Variants in ADAR observed in about 807,000 individuals in gnomAD.
The protein encoded by ADAR is adenosine deaminase RNA specific, also known as double-stranded RNA-specific adenosine deaminase.
Under a neutral mutation model 113.2 loss-of-function variants are expected in ADAR, and 41 were observed. That is an observed-to-expected ratio of 0.36 (90% CI 0.28 to 0.47). The LOEUF (loss-of-function observed/expected upper bound fraction) is 0.47. Among genes scored for constraint, ADAR ranks in the 20% least tolerant of loss-of-function variants. ADAR has a pLI of 1.00. For synonymous variants in ADAR, 605 were observed against 572.6 expected (o/e 1.06, Z -0.81); for missense variants, 1,242 against 1,540.9 (o/e 0.81, Z 3.25).
rs550010479 is a variant in ADAR, at chr1:154,584,595, G to T, written c.*211C>A. 12 of 574,114 alleles carry T rather than the reference G, an allele frequency of 2.1e-5. No individual in the cohort carries two copies. In the South Asian group the frequency reaches 2.7e-4, roughly 13 times the overall value. 35.6% of individuals were successfully genotyped at this position (574,114 alleles called of 1,614,324 possible). ...TAGGTTTCTGCCTCTTCACTTGGGG[G>T]AAAAAAGGGGGGCCTGGCCAGACCT... On this transcript the variant is annotated 3_prime_UTR_variant, in exon 15 of 15. Transcript: ENST00000368474.
chr1:154,583,895 T>G lies in ADAR; in HGVS notation c.*911A>C, dbSNP rs1304665934. On this transcript the variant is annotated 3_prime_UTR_variant, in exon 15 of 15. Coordinates refer to ENST00000368474, the MANE Select transcript of ADAR (RefSeq NM_001111.5). ...TTATACCCTCTAGGATTTGTCCCGT[T>G]GGCTAGGGTGTACGCCCAGCATTGG... is the stretch of plus-strand genomic sequence containing the variant. 1 of 152,240 alleles carries G rather than the reference T, an allele frequency of 6.6e-6. No homozygotes were observed. The highest frequency in any genetic ancestry group is 1.5e-5 in the Non-Finnish European group (1 of 68,036). The allele number at this position is 152,240 out of a possible 1,614,324, so 9.4% of individuals were successfully genotyped here.
At chr1:154,623,526 C>T (rs1485209625) in intron 1 of ADAR, among the ~76,000 whole-genome samples, 1 of 152,210 alleles carries the variant, frequency 6.6e-6, no homozygotes, top group Non-Finnish European at 1.5e-5. Flanking sequence ...ACTTCCCCAT[C>T]CCATAAGGTT....
rs1371960541 is a variant in ADAR at position 154,585,511 on chromosome 1, C to G, written c.3316-167G>C. The G allele has an allele frequency of 4.1e-6, 4 of 983,406 alleles. No homozygotes were observed. In the East Asian group the frequency reaches 7.8e-5, roughly 19 times the overall value. 60.9% of individuals were successfully genotyped at this position (983,406 alleles called of 1,614,324 possible). On this transcript the variant is annotated intron_variant, in intron 13 of 14. Transcript: ENST00000368474. ...TGAGCACCCTCTAGACATACTAACT[C>G]CACCTCGATTCAGATTAATTCCAGA...
At chr1:154,613,963 C>A (rs1423833440) in intron 1 of ADAR, among the ~76,000 whole-genome samples, 1 of 149,774 alleles carries the variant, frequency 6.7e-6, no homozygotes, top group East Asian at 2.0e-4. Context: ...AAAAAGAGGT[C>A]TCCAAAAGCT....
At position 154,601,519 on chromosome 1, in the gene ADAR, T is replaced by A. The variant is rs1697870853; in HGVS notation, c.1123A>T (p.Thr375Ser). Residue 375 changes from threonine to serine, a missense_variant, in exon 2 of 15, where the codon ACC becomes TCC. Transcript: ENST00000368474. The surrounding 1 kb of genome is among the most constrained non-coding windows in gnomAD (Gnocchi z 4.7). ...GTCTCAGGGATTGCAGCTGGAGCGG[T>A]TTCAGGAACACTGTTCGTATTTCTC... is the stretch of plus-strand genomic sequence containing the variant. ...IKRNTNSVPE[T>S]APAAIPETKR... 6.2e-7 allele frequency: 1 copy of A among 1,613,680 alleles called. No individual in the cohort carries two copies. Among genetic ancestry groups the A allele is most frequent in the African/African-American group, 1.3e-5 (1 of 74,934 alleles).
In ADAR at chr1:154,598,090, G is replaced by T. The variant is rs993446785; in HGVS notation, c.1786-114C>A. 5 of 1,282,256 alleles carry T rather than the reference G, an allele frequency of 3.9e-6. No individual in the cohort carries two copies. The African/African-American group carries it at 5.9e-5, about 15-fold the overall frequency. 79.4% of individuals were successfully genotyped at this position (1,282,256 alleles called of 1,614,324 possible). A position where few individuals can be genotyped will look rare whatever the true frequency, so the allele number is the denominator to read the frequency against. On this transcript the variant is annotated intron_variant, in intron 3 of 14. Transcript: ENST00000368474. Reference sequence around the variant, plus strand: ...ATTCCCACCACCTGTCAAGGGGTTGGCTTCCCAAAGTTAAAGGGGCTGCTG... The same window carrying T: ...ATTCCCACCACCTGTCAAGGGGTTGTCTTCCCAAAGTTAAAGGGGCTGCTG...
At position 154,586,188 on chromosome 1, in the gene ADAR, G is replaced by A; in HGVS notation, c.3195C>T (p.Val1065=). The change falls in exon 12 of 15, where the codon GTC becomes GTT. Residue 1065 remains valine, a synonymous_variant. Coordinates refer to ENST00000368474, the MANE Select transcript of ADAR (RefSeq NM_001111.5). ...CCAAGGCAGGCCCCTTACCCAATGT[G>A]ACAGATTTGAGATAAATGGGCTGCA... ...HFLQPIYLKS[V]TLGYLFSQGH... is the part of the protein sequence containing the mutation. The A allele has an allele frequency of 1.2e-6, 2 of 1,614,124 alleles. No homozygotes were observed. The highest frequency in any genetic ancestry group is 1.7e-6 in the Non-Finnish European group (2 of 1,180,042).
Position 154,600,826 on chromosome 1 carries a change from C to T in ADAR, c.1601+215G>A, listed in dbSNP as rs1697820647. 9 of 660,802 alleles carry T rather than the reference C, an allele frequency of 1.4e-5. No individual in the cohort carries two copies. In the East Asian group the frequency reaches 2.4e-4, roughly 18 times the overall value. 40.9% of individuals were successfully genotyped at this position (660,802 alleles called of 1,614,324 possible). The stretch of plus-strand genomic sequence containing the variant: ...TACAGCCAACAGAGTCAACCTCCCC[C>T]TTGTTCAGCCAAGATTCTGGCTGGT... On this transcript the variant is annotated intron_variant, in intron 2 of 14. Coordinates refer to ENST00000368474, the MANE Select transcript of ADAR (RefSeq NM_001111.5).
chr1:154,605,628 C>G lies in ADAR; in HGVS notation c.15+2364G>C, dbSNP rs1698146639. On this transcript the variant is annotated intron_variant, in intron 1 of 14. Transcript: ENST00000368474. ...TTCAATCATCTCAACCTCTCTAGCA[C>G]TTGGCACAAAGCTGATTCTCAACAA... 3.3e-5 allele frequency among the ~76,000 whole-genome samples: 5 copies of G among 152,170 alleles called. No individual in the cohort carries two copies. In the South Asian group the frequency reaches 1.0e-3, roughly 32 times the overall value.
Position 154,585,006 on chromosome 1 carries a change from T to A in ADAR, c.3481A>T (p.Ile1161Phe), listed in dbSNP as rs777931839. The A allele has an allele frequency of 6.2e-7, 1 of 1,613,982 alleles. No individual in the cohort carries two copies. Among genetic ancestry groups the A allele is most frequent in the South Asian group, 1.1e-5 (1 of 91,084 alleles). ...NELSRVSKKNIFLLFKKLCSF... is the reference protein window; with the variant it reads ...NELSRVSKKNFFLLFKKLCSF... Reference sequence around the variant, plus strand: ...CAGAGCTTCTTAAATAGAAGAAAAATGTTCTTTTTGGAGACCCGGGACAAT... The same window carrying A: ...CAGAGCTTCTTAAATAGAAGAAAAAAGTTCTTTTTGGAGACCCGGGACAAT... Residue 1161 changes from isoleucine (I) to phenylalanine (F), a missense_variant, in exon 15 of 15, where the codon ATT becomes TTT. This residue lies in a region of ADAR where 780 missense variants were observed against 1,057.9 expected (regional missense o/e 0.74). Transcript: ENST00000368474.
At chr1:154,599,046 AG>A (rs1697696280) in intron 2 of ADAR, among the ~76,000 whole-genome samples, 1 of 152,178 alleles carries the variant, frequency 6.6e-6, no homozygotes, top group Admixed American at 6.5e-5. Context: ...CCCACTACCT[AG>A]GGGGATCAGG....
upstream of ADAR, among the ~76,000 whole-genome samples, chr1:154,609,258 A>C (rs1174174096): frequency 6.6e-6 from 1 of 152,204 alleles, no homozygotes; most frequent in Non-Finnish European, 1.5e-5. Context: ...ACAAAAGTCA[A>C]ATTTGCTTCA....
chr1:154,613,904 C>CCAAAAAAAAAAAAAAAA (rs59907056), intron 1 of ADAR, among the ~76,000 whole-genome samples: 1 of 124,268 alleles, frequency 8.0e-6, no homozygotes. Flanking sequence ...AACTCCATCT[C>CCAAAAAAAAAAAAAAAA]AAAAAAAAAA....
At chr1:154,590,073 G>T in intron 7 of ADAR, 111 bp downstream of exon 7, 1 of 1,494,810 alleles carries the variant, frequency 6.7e-7, no homozygotes, top group Non-Finnish European at 9.3e-7. Flanking sequence ...GCTCTCTCGA[G>T]GCTAAGAGTA....
chr1:154,607,570 A>G (rs1698277573), intron 1 of ADAR, among the ~76,000 whole-genome samples: 1 of 152,140 alleles, frequency 6.6e-6, no homozygotes, highest in Non-Finnish European at 1.5e-5. Flanking sequence ...AAGGGAGACG[A>G]TGTGTCTGCC....
At chr1:154,619,870 T>A (rs1258897229) in intron 1 of ADAR, among the ~76,000 whole-genome samples, 1 of 152,184 alleles carries the variant, frequency 6.6e-6, no homozygotes, top group Admixed American at 6.5e-5. Flanking sequence ...CGACTAACTA[T>A]TCGAGAAAAC....
intron 6 of ADAR, among the ~76,000 whole-genome samples, chr1:154,593,844 A>G (rs2101606032): frequency 6.6e-6 from 1 of 152,286 alleles, no homozygotes; most frequent in South Asian, 2.1e-4. Flanking sequence ...AATGCAAATA[A>G]CACATAAATA....
chr1:154,583,648 T>C lies in ADAR; in HGVS notation c.*1158A>G, dbSNP rs1285088972. On this transcript the variant is annotated 3_prime_UTR_variant, in exon 15 of 15. Transcript: ENST00000368474. ...AAGCACTTGGATAAATGGAAAAGTA[T>C]GCCTGAATTTTAAATCTGCTCAATT... 6.6e-6 allele frequency: 1 copy of C among 152,256 alleles called. No homozygotes were observed. The allele number at this position is 152,256 out of a possible 1,614,324, so 9.4% of individuals were successfully genotyped here.
Position 154,594,390 on chromosome 1 carries a change from CAT to C in ADAR, c.2270+2413_2270+2414del, listed in dbSNP as rs560245574. Among the ~76,000 whole-genome samples, 41 of 152,298 alleles carry C rather than the reference CAT, an allele frequency of 2.7e-4. 1 individual carries two copies. In the East Asian group the frequency reaches 7.5e-3, roughly 28 times the overall value. Reference sequence around the variant, plus strand: ...CGATCCTTCAAGAAAATATTCTAGACATATACAGACAATCTTCACCTCTCCCC... The same window carrying C: ...CGATCCTTCAAGAAAATATTCTAGACATACAGACAATCTTCACCTCTCCCC... On this transcript the variant is annotated intron_variant, in intron 6 of 14. Transcript: ENST00000368474.
Sources: allele counts gnomAD v4.1 joint callset (sites outside exome capture counted in the v4.1 genomes callset), GRCh38; gene constraint gnomAD v4.1.1; regional missense constraint gnomAD v4.1.1; non-coding constraint Gnocchi (gnomAD v3.1); transcripts MANE v1.5; gene names NCBI Gene and HGNC (gene_info 2026-07-23, HGNC 2026-07-21).